The following PCDHA7 variants were observed in gnomAD, a reference collection of about 807,000 sequenced individuals.
PCDHA7 encodes protocadherin alpha-7.
A neutral mutation model predicts 57.2 loss-of-function variants in PCDHA7; 37 were observed. That is an observed-to-expected ratio of 0.65 (90% CI 0.50 to 0.85). The LOEUF is 0.85. Ranked by LOEUF, PCDHA7 falls within the 40% of genes least tolerant of loss-of-function variation. PCDHA7 has a pLI of 0.00. For missense variants in PCDHA7, 1,188 were observed against 1,241.8 expected, an observed-to-expected ratio of 0.96 and a Z score of 0.65; for synonymous variants, 553 against 558.8, an observed-to-expected ratio of 0.99 and a Z score of 0.15.
chr5:141,007,158 A>C (rs1231758700), intron 3 of PCDHA7, among the ~76,000 whole-genome samples: 1 of 152,198 alleles, frequency 6.6e-6, no homozygotes, highest in African/African-American at 2.4e-5. Context: ...CTGTCAAAGA[A>C]CAGTCAGAGA....
At chr5:140,892,850 A>G (rs2063700618) in intron 1 of PCDHA7, among the ~76,000 whole-genome samples, 1 of 152,104 alleles carries the variant, frequency 6.6e-6, no homozygotes, top group Non-Finnish European at 1.5e-5. Flanking sequence ...ACCACAACCC[A>G]TTCCTCCTGT....
chr5:140,895,631 C>T (rs1227407918), intron 1 of PCDHA7, among the ~76,000 whole-genome samples: 4 of 152,106 alleles, frequency 2.6e-5, no homozygotes, highest in African/African-American at 9.7e-5. Context: ...TGTCTTTTCA[C>T]ATTCTTTTTT....
chr5:140,922,564 A>G (rs556829032), intron 1 of PCDHA7, among the ~76,000 whole-genome samples: 1 of 152,358 alleles, frequency 6.6e-6, no homozygotes, highest in South Asian at 2.1e-4. Context: ...AGTCAGGATG[A>G]CAAGTTGCCC....
At chr5:140,940,499 G>T (rs190058542) in intron 1 of PCDHA7, among the ~76,000 whole-genome samples, 3 of 151,756 alleles carry the variant, frequency 2.0e-5, no homozygotes, top group Non-Finnish European at 4.4e-5. Flanking sequence ...GTCTTGCTCC[G>T]TCGCTCAGGC....
At chr5:140,923,221 TTTGAGCCCAGAA>T (rs1584298069) in intron 1 of PCDHA7, among the ~76,000 whole-genome samples, 1 of 71,862 alleles carries the variant, frequency 1.4e-5, no homozygotes, top group Non-Finnish European at 3.3e-5. Flanking sequence ...GAAAGGATCG[TTTGAGCCCAGAA>T]GTTTGAGACC....
chr5:140,906,680 C>T (rs2072848945), intron 1 of PCDHA7, among the ~76,000 whole-genome samples: 2 of 152,166 alleles, frequency 1.3e-5, no homozygotes, highest in Admixed American at 6.5e-5. Context: ...AACCTTCATT[C>T]CTGAAGGATC....
chr5:140,857,665 G>C, intron 1 of PCDHA7: 1 of 1,596,910 alleles, frequency 6.3e-7, no homozygotes, highest in East Asian at 2.2e-5. Flanking sequence ...CGCGCGATGG[G>C]GGCGTGCCGC....
intron 1 of PCDHA7, among the ~76,000 whole-genome samples, chr5:140,902,203 C>CTTTTTTTTTT (rs148688132): frequency 8.0e-6 from 1 of 124,460 alleles, no homozygotes; most frequent in Non-Finnish European, 1.7e-5. Flanking sequence ...CTCTCTCTTT[C>CTTTTTTTTTT]TTTTTTTTTT....
intron 1 of PCDHA7, among the ~76,000 whole-genome samples, chr5:140,950,612 T>A (rs2094502401): frequency 6.6e-6 from 1 of 152,072 alleles, no homozygotes; most frequent in Non-Finnish European, 1.5e-5. Flanking sequence ...ATGATGTGCT[T>A]ATTTATGCTT....
chr5:140,858,016 G>T, intron 1 of PCDHA7: 1 of 1,596,850 alleles, frequency 6.3e-7, no homozygotes, highest in Non-Finnish European at 8.6e-7. Context: ...ATGGCGAGCC[G>T]TCGCTGACGG....
intron 1 of PCDHA7, among the ~76,000 whole-genome samples, chr5:140,947,713 T>G (rs1252298380): frequency 6.6e-6 from 1 of 151,618 alleles, no homozygotes; most frequent in African/African-American, 2.4e-5. Flanking sequence ...AGTATTGAGG[T>G]TTCAAAAGTT....
intron 1 of PCDHA7, chr5:140,858,828 A>G (rs546423783): frequency 8.8e-5 from 29 of 330,376 alleles, no homozygotes; most frequent in Middle Eastern, 1.8e-3. Flanking sequence ...TATTTGCATT[A>G]CCAAAAAATT....
At chr5:140,876,568 G>C (rs1302204057) in intron 1 of PCDHA7, 2 of 1,614,046 alleles carry the variant, frequency 1.2e-6, no homozygotes, top group African/African-American at 1.3e-5. Context: ...TGCTCAGGTG[G>C]GTACCGTCAT....
Position 140,834,367 on chromosome 5 carries a change from C to G in PCDHA7, c.-17C>G. ...AGGCAAGTTTTGCTGACTAGAAAAA[C>G]AAGCCAATAATTTGAAATGGTGTGC... is the stretch of plus-strand genomic sequence containing the variant. On this transcript the variant is annotated 5_prime_UTR_variant, in exon 1 of 4. Transcript: ENST00000525929. The G allele has an allele frequency of 6.4e-7, 1 of 1,554,312 alleles. No homozygotes were observed. Among genetic ancestry groups the G allele is most frequent in the East Asian group, 2.3e-5 (1 of 44,388 alleles).
chr5:140,834,595 G>T lies in PCDHA7; in HGVS notation c.212G>T (p.Arg71Leu). Residue 71 changes from arginine to leucine, a missense_variant, in exon 1 of 4, where the codon CGT becomes CTT. Coordinates refer to ENST00000525929, the MANE Select transcript of PCDHA7 (RefSeq NM_018910.3). ...PRLFRAVCKF[R>L]GDLLEVNLQN... Reference sequence around the variant, plus strand: ...CTGTTCCGGGCGGTGTGCAAATTCCGTGGGGATCTTCTGGAGGTAAATCTG... The same window carrying T: ...CTGTTCCGGGCGGTGTGCAAATTCCTTGGGGATCTTCTGGAGGTAAATCTG... 6.2e-7 allele frequency: 1 copy of T among 1,614,156 alleles called. No homozygotes were observed. The highest frequency in any genetic ancestry group is 8.5e-7 in the Non-Finnish European group (1 of 1,179,996).
intron 1 of PCDHA7, chr5:140,876,094 C>A (rs782479233): frequency 3.1e-6 from 5 of 1,613,926 alleles, no homozygotes; most frequent in Non-Finnish European, 4.2e-6. Flanking sequence ...AACGCCAAAA[C>A]TCAATTTATT....
Position 140,835,990 on chromosome 5 carries a change from G to A in PCDHA7, c.1607G>A (p.Ser536Asn). The change falls in exon 1 of 4, where the codon AGC becomes AAC. Residue 536 changes from serine to asparagine, a missense_variant. Transcript: ENST00000525929. ...CTGGAGCTGTTGCAGTTCCAGGTGA[G>A]CGCGCGCGATGCGGGCGTGCCGCCT... ...EELELLQFQVSARDAGVPPLG... is the reference protein window; with the variant it reads ...EELELLQFQVNARDAGVPPLG... The A allele has an allele frequency of 1.9e-6, 3 of 1,613,318 alleles. No homozygotes were observed. Among genetic ancestry groups the A allele is most frequent in the Non-Finnish European group, 2.5e-6 (3 of 1,179,712 alleles).
chr5:140,941,242 T>TC (rs1312617364), intron 1 of PCDHA7, among the ~76,000 whole-genome samples: 1 of 141,172 alleles, frequency 7.1e-6, no homozygotes, highest in East Asian at 2.0e-4. Flanking sequence ...TTTCTTTCTT[T>TC]CTTTCTTTCT....
rs57893927 is a variant in PCDHA7 at position 140,946,631 on chromosome 5, T to TATATATAC, written c.2356-32317_2356-32316insTATATACA. Among the ~76,000 whole-genome samples the TATATATAC allele has an allele frequency of 9.9e-4, 130 of 131,716 alleles. 1 individual carries two copies. The highest frequency in any genetic ancestry group is 2.9e-3 in the East Asian group (14 of 4,862). 86.4% of individuals were successfully genotyped at this position (131,716 alleles called of 152,430 possible). A position where few individuals can be genotyped will look rare whatever the true frequency, so the allele number is the denominator to read the frequency against. ...TGTGAAATATATATATATATATATA[T>TATATATAC]ACAATGGAATACTCATCAGCCATTA... On this transcript the variant is annotated intron_variant, in intron 1 of 3. Coordinates refer to ENST00000525929, the MANE Select transcript of PCDHA7 (RefSeq NM_018910.3).
Sources: allele counts gnomAD v4.1 joint callset (sites outside exome capture counted in the v4.1 genomes callset), GRCh38; gene constraint gnomAD v4.1.1; transcripts MANE v1.5; gene names NCBI Gene and HGNC (gene_info 2026-07-23, HGNC 2026-07-21).